The following COL11A1 variants were observed in gnomAD, a reference collection of about 807,000 sequenced individuals.
COL11A1 encodes the protein collagen type XI alpha 1 chain.
COL11A1 carries 74 observed loss-of-function variants against 265.2 expected under a neutral mutation model. The ratio of observed to expected loss-of-function variants is 0.28; its 90% CI spans 0.23 to 0.34. The LOEUF is 0.34. Ranked by LOEUF, COL11A1 falls within the 10% of genes least tolerant of loss-of-function variation. The pLI is 1.00. For missense variants in COL11A1, 2,165 were observed against 2,263.6 expected (o/e 0.96, Z 0.88); for synonymous variants, 816 against 727.6 (o/e 1.12, Z -1.96).
intron 5 of COL11A1, among the ~76,000 whole-genome samples, chr1:103,027,427 ATATATATATATATATATG>A (rs1557966549): frequency 1.6e-5 from 2 of 127,572 alleles, no homozygotes; most frequent in African/African-American, 3.3e-5. Context: ...ATATATATAT[ATATATATATATATATATG>A]CATGCATGCC....
rs968191795 is a variant in COL11A1, at chr1:102,996,037, G to A, written c.2247C>T (p.Pro749=). 6.2e-7 allele frequency: 1 copy of A among 1,613,224 alleles called. No individual in the cohort carries two copies. Among genetic ancestry groups the A allele is most frequent in the Non-Finnish European group, 8.5e-7 (1 of 1,179,486 alleles). Residue 749 remains proline (P), a synonymous_variant, in exon 27 of 67, where the codon CCC becomes CCT. Transcript: ENST00000370096. ...GQSGEKGALG[P]PGPQGPIGYP... ...ATCCAATAGGACCTTGTGGACCAGG[G>A]GGACCCTGAAATAGATGAATTACCA...
intron 42 of COL11A1, among the ~76,000 whole-genome samples, chr1:102,944,014 G>A (rs983314634): frequency 6.6e-6 from 1 of 152,016 alleles, no homozygotes; most frequent in African/African-American, 2.4e-5. Flanking sequence ...ACCTCCTAGA[G>A]TTTCTAATCT....
At chr1:103,071,869 GTATATA>G (rs67216828) in intron 4 of COL11A1, among the ~76,000 whole-genome samples, 16,337 of 147,392 alleles carry the variant, frequency 0.11, 940 homozygotes, top group Non-Finnish European at 0.12. Flanking sequence ...ATATGTGTTT[GTATATA>G]TATATATATA....
At chr1:103,085,528 CT>C (rs10715378) in intron 1 of COL11A1, among the ~76,000 whole-genome samples, 82,661 of 150,490 alleles carry the variant, frequency 0.55, 25,545 homozygotes, top group East Asian at 0.98. Flanking sequence ...TGGGAACGGA[CT>C]TTTTTTTTTT....
intron 4 of COL11A1, among the ~76,000 whole-genome samples, chr1:103,039,729 T>A (rs1440995758): frequency 6.6e-6 from 1 of 150,666 alleles, no homozygotes. Flanking sequence ...CTAATATAAA[T>A]CAGTTAATAC....
intron 64 of COL11A1, among the ~76,000 whole-genome samples, chr1:102,882,433 T>TAA (rs1650377735): frequency 6.6e-6 from 1 of 152,136 alleles, no homozygotes; most frequent in East Asian, 1.9e-4. Flanking sequence ...CCAAGTAGTG[T>TAA]TGGAAGATGG....
chr1:103,101,408 A>T (rs1674260510), intron 1 of COL11A1, among the ~76,000 whole-genome samples: 6 of 151,964 alleles, frequency 3.9e-5, no homozygotes, highest in Admixed American at 3.9e-4. Context: ...CAATATTTAC[A>T]TTTTTTTCTT....
intron 1 of COL11A1, among the ~76,000 whole-genome samples, chr1:103,099,522 A>T (rs1205539656): frequency 1.3e-5 from 2 of 150,816 alleles, no homozygotes; most frequent in Non-Finnish European, 3.0e-5. Flanking sequence ...GCTAATAAGC[A>T]AAGTCAGACA....
At chr1:102,931,780 A>T (rs1557837735) in intron 46 of COL11A1, among the ~76,000 whole-genome samples, 2 of 151,816 alleles carry the variant, frequency 1.3e-5, no homozygotes, top group Non-Finnish European at 2.9e-5. Flanking sequence ...GTGCTCCTGT[A>T]TTGGGTGCAT....
intron 46 of COL11A1, among the ~76,000 whole-genome samples, chr1:102,928,284 T>C (rs1656889955): frequency 1.3e-5 from 2 of 150,006 alleles, no homozygotes; most frequent in South Asian, 4.3e-4. Flanking sequence ...CAGAGTGTGA[T>C]ATTCCCCTTC....
rs1652063032 is a variant in COL11A1, at chr1:102,893,851, CAT to C, written c.4303-3349_4303-3348del. On this transcript the variant is annotated intron_variant, in intron 57 of 66. Coordinates refer to ENST00000370096, the MANE Select transcript of COL11A1 (RefSeq NM_001854.4). ...TTTTTAATCATTGTGGAATGCTACC[CAT>C]ATCACCCTTGTCTACAGATAACTTA... Among the ~76,000 whole-genome samples, 2 of 152,088 alleles carry C rather than the reference CAT, an allele frequency of 1.3e-5. 1 individual carries two copies. The highest frequency in any genetic ancestry group is 4.1e-4 in the South Asian group (2 of 4,822).
At chr1:103,020,898 G>A (rs1202302719) in intron 9 of COL11A1, among the ~76,000 whole-genome samples, 16 of 138,244 alleles carry the variant, frequency 1.2e-4, no homozygotes, top group Non-Finnish European at 4.8e-5. Context: ...TCAGATAGTT[G>A]TAGATATGCA....
intron 14 of COL11A1, among the ~76,000 whole-genome samples, chr1:103,011,482 T>C (rs1666123316): frequency 6.6e-6 from 1 of 151,996 alleles, no homozygotes; most frequent in Non-Finnish European, 1.5e-5. Context: ...GACTAAATTA[T>C]GGTAAATATA....
intron 42 of COL11A1, among the ~76,000 whole-genome samples, chr1:102,946,368 G>A (rs1659272072): frequency 6.6e-6 from 1 of 151,918 alleles, no homozygotes; most frequent in South Asian, 2.1e-4. Context: ...ATAGATATTA[G>A]ATGAAATAAT....
intron 1 of COL11A1, among the ~76,000 whole-genome samples, chr1:103,094,708 C>T (rs1673602990): frequency 1.3e-5 from 2 of 152,000 alleles, no homozygotes; most frequent in Admixed American, 1.3e-4. Context: ...TTCTTAAGAA[C>T]ATTTTCTGTT....
At chr1:102,921,381 T>C (rs2101073521) in intron 48 of COL11A1, 137 bp downstream of exon 48, 1 of 639,194 alleles carries the variant, frequency 1.6e-6, no homozygotes, top group South Asian at 2.2e-5. Flanking sequence ...GTGGAGTGAA[T>C]AGGTGACCCT....
chr1:102,997,205 T>G, intron 25 of COL11A1, 81 bp from the exon 26 acceptor site: 2 of 1,226,484 alleles, frequency 1.6e-6, no homozygotes, highest in Non-Finnish European at 1.2e-6. Flanking sequence ...CTTTTGTTAT[T>G]AAATCTACTA....
intron 36 of COL11A1, among the ~76,000 whole-genome samples, chr1:102,974,142 C>T (rs1662238053): frequency 6.6e-6 from 1 of 151,104 alleles, no homozygotes; most frequent in African/African-American, 2.4e-5. Flanking sequence ...GGTGGGTAAG[C>T]TGACTCCCAC....
At chr1:102,889,710 A>C in intron 58 of COL11A1, 148 bp from the exon 59 acceptor site, 1 of 667,304 alleles carries the variant, frequency 1.5e-6, no homozygotes, top group Non-Finnish European at 2.6e-6. Context: ...TGAATGAAAT[A>C]TACAGTTAAG....
Sources: allele counts gnomAD v4.1 joint callset (sites outside exome capture counted in the v4.1 genomes callset), GRCh38; gene constraint gnomAD v4.1.1; transcripts MANE v1.5; gene names NCBI Gene and HGNC (gene_info 2026-07-23, HGNC 2026-07-21).